The following PCDH15 variants were observed in gnomAD, a reference collection of about 807,000 sequenced individuals.
PCDH15 encodes the protein protocadherin related 15.
PCDH15 carries 129 observed loss-of-function variants against 178.5 expected under a neutral mutation model. That is an observed-to-expected ratio of 0.72 (90% CI 0.63 to 0.84). The LOEUF (loss-of-function observed/expected upper bound fraction) is 0.84. Among genes scored for constraint, PCDH15 ranks in the 40% least tolerant of loss-of-function variants. The pLI is 0.00. For synonymous variants in PCDH15, 800 were observed against 732.0 expected (o/e 1.09, Z -1.50); for missense variants, 2,230 against 2,099.9 (o/e 1.06, Z -1.21).
intron 2 of PCDH15, among the ~76,000 whole-genome samples, chr10:55,445,758 T>G (rs1462170274): frequency 6.6e-6 from 1 of 152,102 alleles, no homozygotes; most frequent in Non-Finnish European, 1.5e-5. Context: ...CAGATGTAGG[T>G]AGGTGATGAA....
chr10:54,716,840 C>T lies in PCDH15; in HGVS notation c.-28-52550G>A, dbSNP rs555745922. Reference sequence around the variant, plus strand: ...CAAAAGAACAAAGCTGGAGGCATCACGCTACCTGACTTCAAACTATACTAC... The same window carrying T: ...CAAAAGAACAAAGCTGGAGGCATCATGCTACCTGACTTCAAACTATACTAC... On this transcript the variant is annotated intron_variant, in intron 1 of 37. Coordinates refer to ENST00000644397, the MANE Select transcript of PCDH15 (RefSeq NM_001384140.1). Among the ~76,000 whole-genome samples the T allele has an allele frequency of 5.6e-4, 84 of 149,752 alleles. No homozygotes were observed. In the East Asian group the frequency reaches 8.8e-3, roughly 16 times the overall value.
chr10:54,458,004 G>C (rs965007083), intron 3 of PCDH15, among the ~76,000 whole-genome samples: 4 of 152,240 alleles, frequency 2.6e-5, no homozygotes, highest in Non-Finnish European at 5.9e-5. Context: ...TCTCATGAAG[G>C]CATGCTTGTA....
At position 55,222,730 on chromosome 10, in the gene PCDH15, CATATATATATATATATAT is replaced by C. The variant is rs142618720; in HGVS notation, c.-155-56097_-155-56080del. Among the ~76,000 whole-genome samples, 15 of 121,260 alleles carry C rather than the reference CATATATATATATATATAT, an allele frequency of 1.2e-4. 1 individual carries two copies. The highest frequency in any genetic ancestry group is 4.7e-4 in the East Asian group (2 of 4,212). 79.6% of individuals were successfully genotyped at this position (121,260 alleles called of 152,430 possible). A position where few individuals can be genotyped will look rare whatever the true frequency, so the allele number is the denominator to read the frequency against. ...CTTTATACACACACACACACACACA[CATATATATATATATATAT>C]ATATATATATATATATATATGTAGT... is the stretch of plus-strand genomic sequence containing the variant. On this transcript the variant is annotated intron_variant, in intron 1 of 5. Transcript: ENST00000458638.
chr10:54,015,000 C>G (rs1267319646), intron 20 of PCDH15, among the ~76,000 whole-genome samples: 1 of 152,038 alleles, frequency 6.6e-6, no homozygotes, highest in Non-Finnish European at 1.5e-5. Flanking sequence ...GATTCTACAC[C>G]TAGAAAACCC....
chr10:54,235,774 C>T (rs1028260983), intron 9 of PCDH15, among the ~76,000 whole-genome samples: 8 of 152,162 alleles, frequency 5.3e-5, no homozygotes, highest in Non-Finnish European at 1.2e-4. Context: ...GACATACAGT[C>T]AAGCCTTCAG....
chr10:54,108,123 C>T (rs1211376427), intron 15 of PCDH15, among the ~76,000 whole-genome samples: 2 of 151,982 alleles, frequency 1.3e-5, no homozygotes, highest in Non-Finnish European at 2.9e-5. Flanking sequence ...GCAAGATGGT[C>T]CCCCAGTAAT....
intron 23 of PCDH15, among the ~76,000 whole-genome samples, chr10:53,948,233 A>G (rs2086733747): frequency 6.6e-6 from 1 of 152,088 alleles, no homozygotes; most frequent in Admixed American, 6.6e-5. Flanking sequence ...CCTGCTTTGG[A>G]CAATAAATTA....
At chr10:55,344,319 T>G (rs1465127959) in intron 2 of PCDH15, among the ~76,000 whole-genome samples, 1 of 152,090 alleles carries the variant, frequency 6.6e-6, no homozygotes, top group Admixed American at 6.6e-5. Context: ...GATACACACA[T>G]TTGGATTTTG....
intron 1 of PCDH15, among the ~76,000 whole-genome samples, chr10:54,731,944 T>C (rs1317490618): frequency 6.6e-6 from 1 of 151,270 alleles, no homozygotes; most frequent in Non-Finnish European, 1.5e-5. Flanking sequence ...ATACTAAGAA[T>C]AATTTGAATG....
At chr10:53,856,327 T>C (rs1216626244) in intron 28 of PCDH15, among the ~76,000 whole-genome samples, 1 of 151,942 alleles carries the variant, frequency 6.6e-6, no homozygotes, top group Non-Finnish European at 1.5e-5. Context: ...TTTTACAGTA[T>C]CAAAATATAA....
chr10:55,510,716 A>T (rs1840860756), intron 2 of PCDH15, among the ~76,000 whole-genome samples: 1 of 151,736 alleles, frequency 6.6e-6, no homozygotes, highest in Admixed American at 6.6e-5. Context: ...TTCTGCTGAG[A>T]CCTCAAACTA....
chr10:54,692,052 A>G (rs908376096), intron 1 of PCDH15, among the ~76,000 whole-genome samples: 4 of 152,118 alleles, frequency 2.6e-5, no homozygotes, highest in African/African-American at 9.7e-5. Context: ...ATCTTCAATA[A>G]TTTTATTTGT....
At chr10:54,052,235 G>A (rs747942148) in intron 18 of PCDH15, among the ~76,000 whole-genome samples, 8 of 152,294 alleles carry the variant, frequency 5.3e-5, no homozygotes, top group Non-Finnish European at 1.0e-4. Context: ...CCAGACTCCA[G>A]AATGGTGGAT....
intron 2 of PCDH15, among the ~76,000 whole-genome samples, chr10:54,933,813 G>T (rs1429831096): frequency 6.6e-6 from 1 of 152,058 alleles, no homozygotes; most frequent in Admixed American, 6.6e-5. Context: ...ACTTTAAATT[G>T]ACTCTGTAAT....
At position 54,740,415 on chromosome 10, in the gene PCDH15, C is replaced by T. The variant is rs540566599; in HGVS notation, c.-29+60510G>A. On this transcript the variant is annotated intron_variant, in intron 1 of 37. Transcript: ENST00000644397. Reference sequence around the variant, plus strand: ...AATGTAGAAAAATGTGACCCTCCTACATTCTTGGTGGGAATGTAAATTGGT... The same window carrying T: ...AATGTAGAAAAATGTGACCCTCCTATATTCTTGGTGGGAATGTAAATTGGT... Among the ~76,000 whole-genome samples, 3 of 151,874 alleles carry T rather than the reference C, an allele frequency of 2.0e-5. No individual in the cohort carries two copies. In the South Asian group the frequency reaches 6.2e-4, roughly 32 times the overall value.
At chr10:54,379,734 G>A (rs895753206) in intron 3 of PCDH15, among the ~76,000 whole-genome samples, 6 of 151,894 alleles carry the variant, frequency 4.0e-5, no homozygotes, top group South Asian at 2.1e-4. Flanking sequence ...TTTCCCTCAC[G>A]CAGCAATGAT....
At chr10:54,202,567 C>G (rs1413174704) in intron 10 of PCDH15, among the ~76,000 whole-genome samples, 1 of 152,062 alleles carries the variant, frequency 6.6e-6, no homozygotes, top group African/African-American at 2.4e-5. Context: ...AATCCTAACA[C>G]TTTGGGAGGC....
chr10:54,166,891 G>A (rs2046287826), intron 13 of PCDH15, among the ~76,000 whole-genome samples: 1 of 152,064 alleles, frequency 6.6e-6, no homozygotes, highest in Non-Finnish European at 1.5e-5. Context: ...CGCTCATCCT[G>A]GCTCAAAAAG....
chr10:54,697,515 G>GTATATATATATATATA (rs141387823), intron 1 of PCDH15, among the ~76,000 whole-genome samples: 2 of 143,056 alleles, frequency 1.4e-5, no homozygotes, highest in African/African-American at 5.3e-5. Context: ...TGAAATGTGT[G>GTATATATATATATATA]TATATATATA....
Sources: allele counts gnomAD v4.1 joint callset (sites outside exome capture counted in the v4.1 genomes callset), GRCh38; gene constraint gnomAD v4.1.1; transcripts MANE v1.5; gene names NCBI Gene and HGNC (gene_info 2026-07-23, HGNC 2026-07-21).